The following UNC5C variants were observed in gnomAD, a reference collection of about 807,000 sequenced individuals.
The protein encoded by UNC5C is netrin receptor UNC5C.
Under a neutral mutation model 99.8 loss-of-function variants are expected in UNC5C, and 47 were observed. The ratio of observed to expected loss-of-function variants is 0.47; its 90% CI spans 0.37 to 0.60. UNC5C has a LOEUF of 0.60. Ranked by LOEUF, UNC5C falls within the 20% of genes least tolerant of loss-of-function variation. The pLI, the probability that UNC5C is intolerant of heterozygous loss-of-function variation, is 0.00. For missense variants in UNC5C, 1,062 were observed against 1,165.9 expected (o/e 0.91, Z 1.30); for synonymous variants, 487 against 452.2 (o/e 1.08, Z -0.98).
intron 1 of UNC5C, among the ~76,000 whole-genome samples, chr4:95,394,285 A>G (rs571201398): frequency 6.6e-6 from 1 of 151,792 alleles, no homozygotes; most frequent in South Asian, 2.1e-4. Context: ...CAATCCCACT[A>G]ACGCAAGTTT....
intron 1 of UNC5C, 74 bp from the exon 2 acceptor site, chr4:95,335,705 A>G: frequency 8.3e-7 from 1 of 1,206,260 alleles, no homozygotes; most frequent in South Asian, 1.5e-5. Context: ...AGTCATGTAA[A>G]AATAGTGACT....
In UNC5C at chr4:95,467,575, G is replaced by A. The variant is rs980736659; in HGVS notation, c.124+81159C>T. 5.3e-5 allele frequency among the ~76,000 whole-genome samples: 8 copies of A among 152,270 alleles called. 1 individual carries two copies. The highest frequency in any genetic ancestry group is 4.1e-4 in the South Asian group (2 of 4,824). On this transcript the variant is annotated intron_variant, in intron 1 of 15. Coordinates refer to ENST00000453304, the MANE Select transcript of UNC5C (RefSeq NM_003728.4). ...GATTCCAAAGATAAGAAATAAGAGC[G>A]TGAAATTATTTGAAAGGTAAATGAT...
chr4:95,171,349 C>A (rs1736096031), intron 14 of UNC5C, among the ~76,000 whole-genome samples: 1 of 151,390 alleles, frequency 6.6e-6, no homozygotes, highest in African/African-American at 2.4e-5. Context: ...CATCATCTAG[C>A]ATTAGGTATA....
intron 1 of UNC5C, among the ~76,000 whole-genome samples, chr4:95,529,134 T>C (rs1722571912): frequency 6.6e-6 from 1 of 151,672 alleles, no homozygotes; most frequent in African/African-American, 2.4e-5. Context: ...GTACCATATG[T>C]TATGCTATTC....
At chr4:95,467,415 G>A (rs1168404418) in intron 1 of UNC5C, among the ~76,000 whole-genome samples, 1 of 152,088 alleles carries the variant, frequency 6.6e-6, no homozygotes, top group Non-Finnish European at 1.5e-5. Context: ...GATAAAAACA[G>A]AGAGAGAGAA....
chr4:95,182,866 C>T (rs771869526), intron 14 of UNC5C, 31 bp downstream of exon 14: 1 of 1,594,550 alleles, frequency 6.3e-7, no homozygotes, highest in Non-Finnish European at 8.6e-7. Context: ...TCGCACTCTC[C>T]CCTGATTTCA....
At chr4:95,212,911 C>T (rs936437775) in intron 10 of UNC5C, among the ~76,000 whole-genome samples, 4 of 152,238 alleles carry the variant, frequency 2.6e-5, no homozygotes, top group South Asian at 2.1e-4. Context: ...CTGGCTCACC[C>T]TCCGGCCCGG....
chr4:95,178,815 G>GCTCT (rs1267151582), intron 14 of UNC5C, among the ~76,000 whole-genome samples: 1 of 152,176 alleles, frequency 6.6e-6, no homozygotes, highest in African/African-American at 2.4e-5. Context: ...GAAGTCCTGA[G>GCTCT]CTCTCTATCC....
chr4:95,472,084 G>A (rs1271242430), intron 1 of UNC5C, among the ~76,000 whole-genome samples: 1 of 152,068 alleles, frequency 6.6e-6, no homozygotes, highest in East Asian at 1.9e-4. Flanking sequence ...GGATAGATGT[G>A]TGTTAAAATA....
intron 5 of UNC5C, among the ~76,000 whole-genome samples, chr4:95,245,643 C>G (rs1739476824): frequency 6.6e-6 from 1 of 152,102 alleles, no homozygotes. Flanking sequence ...ACCAGTGAAC[C>G]TGGTTAAAAA....
At position 95,308,539 on chromosome 4, in the gene UNC5C, G is replaced by A. The variant is rs999974452; in HGVS notation, c.347-6790C>T. On this transcript the variant is annotated intron_variant, in intron 2 of 15. Coordinates refer to ENST00000453304, the MANE Select transcript of UNC5C (RefSeq NM_003728.4). The stretch of plus-strand genomic sequence containing the variant: ...AGGCTGAGGCGGGCAGATCACCTGA[G>A]GTCAGGAGTTTGAAACCAGCCTGGC... 8.6e-5 allele frequency among the ~76,000 whole-genome samples: 13 copies of A among 151,896 alleles called. No homozygotes were observed. The East Asian group carries it at 2.0e-3, about 23-fold the overall frequency.
intron 10 of UNC5C, among the ~76,000 whole-genome samples, chr4:95,210,827 TGAG>T (rs1363791266): frequency 6.6e-6 from 1 of 152,148 alleles, no homozygotes; most frequent in Non-Finnish European, 1.5e-5. Flanking sequence ...TCATTATCAG[TGAG>T]GAGAACTTCT....
At chr4:95,540,273 G>A (rs946284655) in intron 1 of UNC5C, among the ~76,000 whole-genome samples, 2 of 152,134 alleles carry the variant, frequency 1.3e-5, no homozygotes, top group African/African-American at 4.8e-5. Context: ...AAAGTTTCAA[G>A]TCAGAGGGCC....
At chr4:95,448,991 A>T (rs899268191) in intron 1 of UNC5C, among the ~76,000 whole-genome samples, 4 of 151,870 alleles carry the variant, frequency 2.6e-5, no homozygotes, top group African/African-American at 4.8e-5. Context: ...GCCAGGTAAG[A>T]CCCCATATCC....
intron 1 of UNC5C, among the ~76,000 whole-genome samples, chr4:95,435,353 T>G (rs1746745491): frequency 6.6e-6 from 1 of 152,062 alleles, no homozygotes; most frequent in Middle Eastern, 3.2e-3. Flanking sequence ...AGCCACCTCT[T>G]TTTTACCACA....
At chr4:95,216,020 A>G in intron 10 of UNC5C, 104 bp downstream of exon 10, 1 of 868,532 alleles carries the variant, frequency 1.2e-6, no homozygotes, top group Non-Finnish European at 1.8e-6. Flanking sequence ...TGCCAGAAGC[A>G]AGGCACTTGA....
At chr4:95,339,827 G>A (rs1201767335) in intron 1 of UNC5C, among the ~76,000 whole-genome samples, 1 of 152,026 alleles carries the variant, frequency 6.6e-6, no homozygotes, top group East Asian at 1.9e-4. Context: ...AATTAACAAG[G>A]TAAAATTTCC....
At chr4:95,242,726 C>A in intron 6 of UNC5C, 133 bp from the exon 7 acceptor site, 1 of 1,009,920 alleles carries the variant, frequency 9.9e-7, no homozygotes, top group East Asian at 3.1e-5. Flanking sequence ...GTATTCATTT[C>A]AATTGCTGGG....
chr4:95,461,893 C>T (rs927490891), intron 1 of UNC5C, among the ~76,000 whole-genome samples: 1 of 152,154 alleles, frequency 6.6e-6, no homozygotes, highest in Admixed American at 6.5e-5. Flanking sequence ...GGAAATTTAC[C>T]CAAATAAAAT....
Sources: gnomAD v4.1 joint callset for allele counts (sites outside exome capture counted in the v4.1 genomes callset) on GRCh38, gnomAD v4.1.1 for gene constraint, MANE v1.5 for transcripts, NCBI Gene and HGNC (gene_info 2026-07-23, HGNC 2026-07-21) for gene names.